NLRP9: variants seen among roughly 807,000 people sequenced by gnomAD.
NLRP9 encodes NACHT, LRR and PYD domains-containing protein 9.
In NLRP9, 88 loss-of-function variants were observed where a neutral mutation model predicts 83.1. That is an observed-to-expected ratio of 1.06 (90% CI 0.89 to 1.26). The LOEUF (loss-of-function observed/expected upper bound fraction) is 1.26. NLRP9 is among the 50% of genes most tolerant of loss of function. The pLI, the probability that NLRP9 is intolerant of heterozygous loss-of-function variation, is 0.00. For synonymous variants in NLRP9, 521 were observed against 447.6 expected (o/e 1.16, Z -2.07); for missense variants, 1,308 against 1,179.3 (o/e 1.11, Z -1.60).
chr19:55,724,270 A>C (rs1600136295), intron 3 of NLRP9, 126 bp from the exon 4 acceptor site: 4 of 606,352 alleles, frequency 6.6e-6, no homozygotes, highest in East Asian at 3.0e-5. Context: ...AATTCTGGTT[A>C]CTCCTGCCAG....
Position 55,738,320 on chromosome 19 carries a change from T to C in NLRP9, c.55A>G (p.Arg19Gly), listed in dbSNP as rs770423005. Reference protein sequence around the residue: ...FGLLWYLKELRKEEFWKFKEL... With the variant: ...FGLLWYLKELGKEEFWKFKEL... ...TTAAATTTCCAAAACTCTTCCTTTC[T>C]GAGCTCCTTCAGATACCACAACAAG... The change falls in exon 1 of 9, where the codon AGA becomes GGA. Residue 19 changes from arginine to glycine, a missense_variant. Coordinates refer to ENST00000332836, the MANE Select transcript of NLRP9 (RefSeq NM_176820.4). 1 of 1,614,074 alleles carries C rather than the reference T, an allele frequency of 6.2e-7. No individual in the cohort carries two copies. The highest frequency in any genetic ancestry group is 8.5e-7 in the Non-Finnish European group (1 of 1,179,994).
intron 8 of NLRP9, chr19:55,710,006 G>C (rs1347405289): frequency 2.6e-5 from 4 of 152,182 alleles, no homozygotes; most frequent in African/African-American, 9.7e-5. Context: ...AGTTGAGGAG[G>C]ATTAGCAGGT....
At chr19:55,725,332 G>A (rs888368475) in intron 3 of NLRP9, among the ~76,000 whole-genome samples, 3 of 152,088 alleles carry the variant, frequency 2.0e-5, no homozygotes, top group Admixed American at 6.6e-5. Context: ...CCAGACACAC[G>A]TAAGAATAAA....
intron 4 of NLRP9, among the ~76,000 whole-genome samples, chr19:55,719,031 C>G (rs1195553001): frequency 6.6e-6 from 1 of 152,172 alleles, no homozygotes; most frequent in African/African-American, 2.4e-5. Flanking sequence ...AGAGTCAGAT[C>G]CCACACGGTA....
At chr19:55,711,261 CTT>C (rs1402477912) in intron 8 of NLRP9, 2 of 579,438 alleles carry the variant, frequency 3.5e-6, no homozygotes, top group African/African-American at 2.0e-5. Flanking sequence ...AAAAAAATAA[CTT>C]TTAAAAATTA....
At chr19:55,717,864 C>G (rs1292272853) in intron 4 of NLRP9, among the ~76,000 whole-genome samples, 1 of 152,222 alleles carries the variant, frequency 6.6e-6, no homozygotes, top group African/African-American at 2.4e-5. Flanking sequence ...AACACATCCA[C>G]ACGCCACGCC....
intron 3 of NLRP9, among the ~76,000 whole-genome samples, chr19:55,727,422 C>T (rs997362585): frequency 1.3e-5 from 2 of 152,114 alleles, no homozygotes; most frequent in African/African-American, 4.8e-5. Flanking sequence ...TACCATTGAC[C>T]TCATGTGAAA....
rs867978498 is a variant in NLRP9, at chr19:55,732,955, G to A, written c.876C>T (p.Leu292=). Residue 292 remains leucine (L), a synonymous_variant, in exon 2 of 9, where the codon CTC becomes CTT. Transcript: ENST00000332836. ...KHYFMLRHPK[L]IKLLGFSESE... ...ATTCACTGAATCCTAAGAGCTTTAT[G>A]AGTTTTGGATGCCGCAACATAAAAT... The A allele has an allele frequency of 6.2e-7, 1 of 1,614,188 alleles. No individual in the cohort carries two copies.
At chr19:55,717,375 C>T (rs1393985040) in intron 4 of NLRP9, among the ~76,000 whole-genome samples, 6 of 152,156 alleles carry the variant, frequency 3.9e-5, no homozygotes, top group African/African-American at 7.2e-5. Context: ...TGACATGACT[C>T]CCTCATTAAT....
At chr19:55,711,651 A>G (rs1987731021) in intron 8 of NLRP9, 149 bp downstream of exon 8, 4 of 894,326 alleles carry the variant, frequency 4.5e-6, no homozygotes, top group Non-Finnish European at 7.0e-6. Flanking sequence ...TGGTTTTTAT[A>G]TTTTATAGTG....
Position 55,738,277 on chromosome 19 carries a change from G to T in NLRP9, c.98C>A (p.Pro33His). ...FWKFKELLKQPLEKFELKPIP... is the reference protein window; with the variant it reads ...FWKFKELLKQHLEKFELKPIP... ...TGGCTTGAGTTCAAATTTCTCCAAA[G>T]GTTGTTTGAGGAGCTCCTTAAATTT... The change falls in exon 1 of 9, where the codon CCT becomes CAT. Residue 33 changes from proline to histidine, a missense_variant. Physicochemically the swap from Pro to His is moderately conservative, Grantham distance 77. Transcript: ENST00000332836. The T allele has an allele frequency of 6.2e-7, 1 of 1,614,092 alleles. No homozygotes were observed. Among genetic ancestry groups the T allele is most frequent in the Admixed American group, 1.7e-5 (1 of 60,010 alleles).
intron 4 of NLRP9, among the ~76,000 whole-genome samples, chr19:55,720,789 G>A (rs143649027): frequency 6.6e-5 from 10 of 152,092 alleles, no homozygotes; most frequent in East Asian, 5.8e-4. Context: ...GATTCATTCC[G>A]CAATATAAGA....
intron 4 of NLRP9, among the ~76,000 whole-genome samples, chr19:55,718,836 C>A (rs933749205): frequency 2.0e-5 from 3 of 152,236 alleles, no homozygotes; most frequent in Admixed American, 2.0e-4. Flanking sequence ...AGTCTCTCAT[C>A]TCCACCTGAC....
rs781634375 is a variant in NLRP9, at chr19:55,716,832, G to C, written c.2226C>G (p.Ser742Arg). 7 of 1,613,728 alleles carry C rather than the reference G, an allele frequency of 4.3e-6. No individual in the cohort carries two copies. Among genetic ancestry groups the C allele is most frequent in the East Asian group, 2.2e-5 (1 of 44,882 alleles). Reference sequence around the variant, plus strand: ...CTACCAAGGAGAGGTGTTTCAGCTTGCTGTTGCAGGCCAGGACGGAGGCGA... The same window carrying C: ...CTACCAAGGAGAGGTGTTTCAGCTTCCTGTTGCAGGCCAGGACGGAGGCGA... Reference protein sequence around the residue: ...EDIASVLACNSKLKHLSLVEN... With the variant: ...EDIASVLACNRKLKHLSLVEN... Residue 742 changes from serine (S) to arginine (R), a missense_variant, in exon 5 of 9, where the codon AGC (serine) becomes AGG (arginine). Coordinates refer to ENST00000332836, the MANE Select transcript of NLRP9 (RefSeq NM_176820.4).
intron 4 of NLRP9, among the ~76,000 whole-genome samples, chr19:55,719,162 A>C (rs995250352): frequency 1.3e-5 from 2 of 152,182 alleles, no homozygotes; most frequent in African/African-American, 2.4e-5. Flanking sequence ...TCCTTGGGTT[A>C]GACTGATTTG....
Position 55,709,131 on chromosome 19 carries a change from T to C in NLRP9, c.2844-87A>G, listed in dbSNP as rs1987590901. Reference sequence around the variant, plus strand: ...TACATTCTGATGTCTACCTCTCCTCTCCTCTTTATTCTTTCCTAGAAATCA... The same window carrying C: ...TACATTCTGATGTCTACCTCTCCTCCCCTCTTTATTCTTTCCTAGAAATCA... On this transcript the variant is annotated intron_variant, in intron 8 of 8. Coordinates refer to ENST00000332836, the MANE Select transcript of NLRP9 (RefSeq NM_176820.4). The C allele has an allele frequency of 6.9e-6, 6 of 866,596 alleles. No individual in the cohort carries two copies. The South Asian group carries it at 1.3e-4, about 18-fold the overall frequency. 53.7% of individuals were successfully genotyped at this position (866,596 alleles called of 1,614,324 possible). A position where few individuals can be genotyped will look rare whatever the true frequency, so the allele number is the denominator to read the frequency against.
At chr19:55,715,672 G>A (rs553749145) in intron 5 of NLRP9, among the ~76,000 whole-genome samples, 8 of 152,068 alleles carry the variant, frequency 5.3e-5, no homozygotes, top group Middle Eastern at 3.4e-3. Context: ...CAACAAGAGC[G>A]AAACTCCGTC....
intron 4 of NLRP9, among the ~76,000 whole-genome samples, chr19:55,720,146 T>C (rs1183239702): frequency 6.6e-6 from 1 of 152,212 alleles, no homozygotes; most frequent in Admixed American, 6.5e-5. Flanking sequence ...GTTGTTCACT[T>C]GAGAAAAAGT....
intron 8 of NLRP9, 145 bp downstream of exon 8, chr19:55,711,655 T>C (rs1470844195): frequency 2.2e-6 from 2 of 897,938 alleles, no homozygotes; most frequent in African/African-American, 3.4e-5. Context: ...TTTTATATTT[T>C]ATAGTGTCAA....
Sources: gnomAD v4.1 joint callset for allele counts (sites outside exome capture counted in the v4.1 genomes callset) on GRCh38, gnomAD v4.1.1 for gene constraint, MANE v1.5 for transcripts, NCBI Gene and HGNC (gene_info 2026-07-23, HGNC 2026-07-21) for gene names.